ARID4A: variants seen among roughly 807,000 people sequenced by gnomAD.
The protein encoded by ARID4A is AT-rich interaction domain 4A.
Under a neutral mutation model 148.6 loss-of-function variants are expected in ARID4A, and 39 were observed. The observed-to-expected ratio is 0.26, with a 90% CI of 0.20 to 0.34. ARID4A has a LOEUF of 0.34. ARID4A is among the 10% of genes least tolerant of loss of function. The pLI, the probability that ARID4A is intolerant of heterozygous loss-of-function variation, is 1.00. For synonymous variants in ARID4A, 475 were observed against 481.2 expected (o/e 0.99, Z 0.17); for missense variants, 1,265 against 1,449.1 (o/e 0.87, Z 2.06).
chr14:58,325,750 A>G (rs931562445), intron 8 of ARID4A, among the ~76,000 whole-genome samples: 16 of 152,172 alleles, frequency 1.1e-4, no homozygotes, highest in African/African-American at 3.6e-4. Flanking sequence ...CCTAGATAAT[A>G]GATTTAATTT....
At chr14:58,318,940 C>G (rs2032656767) in intron 7 of ARID4A, 135 bp downstream of exon 7, 5 of 645,740 alleles carry the variant, frequency 7.7e-6, no homozygotes, top group Non-Finnish European at 1.3e-5. Context: ...ACATTTTACC[C>G]TGAGTGGACC....
chr14:58,358,690 AC>A (rs2034999493), intron 17 of ARID4A, among the ~76,000 whole-genome samples: 1 of 152,144 alleles, frequency 6.6e-6, no homozygotes, highest in Non-Finnish European at 1.5e-5. Context: ...GTTGAAATGG[AC>A]TTGATAAAAT....
chr14:58,306,209 A>G (rs1056072028), intron 5 of ARID4A, 97 bp downstream of exon 5: 25 of 888,320 alleles, frequency 2.8e-5, no homozygotes, highest in Non-Finnish European at 4.5e-5. Flanking sequence ...GGAGAAATAT[A>G]TATTATTTCC....
At chr14:58,345,524 A>G (rs183219904) in intron 12 of ARID4A, among the ~76,000 whole-genome samples, 1 of 152,260 alleles carries the variant, frequency 6.6e-6, no homozygotes, top group African/African-American at 2.4e-5. Flanking sequence ...TAATAGAACA[A>G]TTATAAACCA....
In ARID4A at chr14:58,318,764, T is replaced by G. The variant is rs1422894510; in HGVS notation, c.408T>G (p.Ile136Met). The stretch of plus-strand genomic sequence containing the variant: ...CAGAGCATTTTGGAACTCCAGTAAT[T>G]GCAAAGAAGACGAACAGAGGAAGGA... ...TNPEHFGTPV[I>M]AKKTNRGRRS... Residue 136 changes from isoleucine (I) to methionine (M), a missense_variant, in exon 7 of 24, where the codon ATT becomes ATG. Physicochemically the swap from Ile to Met is conservative, Grantham distance 10. This residue lies in a region of ARID4A where 249 missense variants were observed against 277.2 expected (regional missense o/e 0.90). Coordinates refer to ENST00000355431, the MANE Select transcript of ARID4A (RefSeq NM_002892.4). The G allele has an allele frequency of 9.3e-6, 15 of 1,614,128 alleles. No individual in the cohort carries two copies. The highest frequency in any genetic ancestry group is 1.2e-5 in the Non-Finnish European group (14 of 1,179,994).
chr14:58,362,271 C>T (rs1482544736), intron 19 of ARID4A, among the ~76,000 whole-genome samples: 2 of 152,062 alleles, frequency 1.3e-5, no homozygotes, highest in African/African-American at 4.8e-5. Context: ...CACTTTTCTA[C>T]CTCTGTATAC....
At chr14:58,325,406 C>T (rs2033154257) in intron 8 of ARID4A, among the ~76,000 whole-genome samples, 1 of 152,158 alleles carries the variant, frequency 6.6e-6, no homozygotes. Flanking sequence ...CCTCAGCCTC[C>T]TGAGTAGCTT....
chr14:58,325,972 T>C (rs998879685), intron 8 of ARID4A, among the ~76,000 whole-genome samples: 3 of 152,156 alleles, frequency 2.0e-5, no homozygotes, highest in African/African-American at 7.2e-5. Context: ...TTATGTATAA[T>C]GTACAGAATA....
rs760117293 is a variant in ARID4A, at chr14:58,372,004, A to G, written c.*15A>G. On this transcript the variant is annotated 3_prime_UTR_variant, in exon 24 of 24. Coordinates refer to ENST00000355431, the MANE Select transcript of ARID4A (RefSeq NM_002892.4). ...AATGCAGGTGATAAACATTTTCTCT[A>G]CCTTCCCAGCAGTTTGCTGCCATGG... 2.1e-5 allele frequency: 33 copies of G among 1,555,100 alleles called. No individual in the cohort carries two copies. Among genetic ancestry groups the G allele is most frequent in the African/African-American group, 1.4e-5 (1 of 74,024 alleles).
rs370420070 is a variant in ARID4A at position 58,364,472 on chromosome 14, A to G, written c.2383A>G (p.Arg795Gly). 5 of 1,613,000 alleles carry G rather than the reference A, an allele frequency of 3.1e-6. No individual in the cohort carries two copies. The highest frequency in any genetic ancestry group is 4.2e-6 in the Non-Finnish European group (5 of 1,179,814). Residue 795 changes from arginine (R) to glycine (G), a missense_variant, in exon 20 of 24, where the codon AGA (arginine) becomes GGA (glycine). Transcript: ENST00000355431. ...EAEKSPKGKG[R>G]RSKTKDLSLE... ...CGAAAAATCTCCAAAAGGAAAGGGA[A>G]GACGAAGCAAGACAAAAGATCTTTC...
Position 58,347,084 on chromosome 14 carries a change from C to T in ARID4A, c.1139C>T (p.Ala380Val), listed in dbSNP as rs2034410184. ...CTTGGCATTCCTATTTTGAATTCAG[C>T]TGCTTCCTACAATGTAAAAACTGCT... ...MDLGIPILNS[A>V]ASYNVKTAYR... The change falls in exon 14 of 24, where the codon GCT becomes GTT. Residue 380 changes from alanine to valine, a missense_variant. Physicochemically the swap from Ala to Val is moderately conservative, Grantham distance 64. This residue lies in a region of ARID4A where 7 missense variants were observed against 24.1 expected (regional missense o/e 0.29). Coordinates refer to ENST00000355431, the MANE Select transcript of ARID4A (RefSeq NM_002892.4). 1 of 1,582,444 alleles carries T rather than the reference C, an allele frequency of 6.3e-7. No homozygotes were observed. Among genetic ancestry groups the T allele is most frequent in the African/African-American group, 1.4e-5 (1 of 73,306 alleles).
chr14:58,335,113 C>T (rs2033743520), intron 11 of ARID4A, among the ~76,000 whole-genome samples: 1 of 152,102 alleles, frequency 6.6e-6, no homozygotes, highest in Admixed American at 6.6e-5. Context: ...ACATTTTTGT[C>T]TTGATCCTAT....
At chr14:58,302,787 G>C (rs1270010428) in intron 3 of ARID4A, among the ~76,000 whole-genome samples, 6 of 151,572 alleles carry the variant, frequency 4.0e-5, no homozygotes, top group African/African-American at 9.7e-5. Flanking sequence ...GATCTTGTCT[G>C]TCCAGAAAAA....
intron 23 of ARID4A, among the ~76,000 whole-genome samples, chr14:58,367,947 A>G (rs1382575879): frequency 2.0e-5 from 3 of 152,122 alleles, no homozygotes; most frequent in Non-Finnish European, 4.4e-5. Flanking sequence ...AATTAATACC[A>G]TGTAACCCCA....
chr14:58,340,241 T>C (rs1017585714), intron 11 of ARID4A, among the ~76,000 whole-genome samples: 6 of 152,122 alleles, frequency 3.9e-5, no homozygotes, highest in African/African-American at 1.2e-4. Context: ...TTCTTCTTTT[T>C]TGGGACAGAG....
At position 58,351,188 on chromosome 14, in the gene ARID4A, A is replaced by G. The variant is rs369355742; in HGVS notation, c.1520A>G (p.Tyr507Cys). The change falls in exon 16 of 24, where the codon TAT becomes TGT. Residue 507 changes from tyrosine (Y) to cysteine (C), a missense_variant. This residue lies in a region of ARID4A where 205 missense variants were observed against 196.9 expected (regional missense o/e 1.04). Coordinates refer to ENST00000355431, the MANE Select transcript of ARID4A (RefSeq NM_002892.4). ...DTENKDVDDD[Y>C]ETAEKKENEL... ...GAAAATAAGGATGTAGATGATGACT[A>G]TGAAACTGCAGAGAAAAAAGAAAAT... is the stretch of plus-strand genomic sequence containing the variant. 9 of 1,613,290 alleles carry G rather than the reference A, an allele frequency of 5.6e-6. No homozygotes were observed. The highest frequency in any genetic ancestry group is 2.7e-5 in the African/African-American group (2 of 74,960).
At chr14:58,348,851 G>A (rs1019065843) in intron 15 of ARID4A, among the ~76,000 whole-genome samples, 3 of 151,740 alleles carry the variant, frequency 2.0e-5, no homozygotes, top group Non-Finnish European at 2.9e-5. Context: ...TAAAATTGTG[G>A]TAAGTACATA....
intron 11 of ARID4A, among the ~76,000 whole-genome samples, chr14:58,336,225 C>A (rs1414529769): frequency 6.6e-6 from 1 of 152,116 alleles, no homozygotes; most frequent in Non-Finnish European, 1.5e-5. Context: ...TCTTATAATA[C>A]ACATACTGTC....
intron 23 of ARID4A, among the ~76,000 whole-genome samples, chr14:58,371,529 T>C (rs1347058759): frequency 6.6e-6 from 1 of 152,204 alleles, no homozygotes; most frequent in East Asian, 1.9e-4. Flanking sequence ...CTATGACCCA[T>C]AGATAAAGCA....
Sources: gnomAD v4.1 joint callset for allele counts (sites outside exome capture counted in the v4.1 genomes callset) on GRCh38, gnomAD v4.1.1 for gene constraint, gnomAD v4.1.1 regional missense constraint, MANE v1.5 for transcripts, NCBI Gene and HGNC (gene_info 2026-07-23, HGNC 2026-07-21) for gene names.